TMC1: variants seen among roughly 807,000 people sequenced by gnomAD.
TMC1 encodes transmembrane channel like 1.
A neutral mutation model predicts 105.8 loss-of-function variants in TMC1; 84 were observed. The observed-to-expected ratio is 0.79, with a 90% confidence interval of 0.67 to 0.95. TMC1 has a LOEUF of 0.95. TMC1 is among the 40% of genes least tolerant of loss of function. The pLI is 0.00. For synonymous variants in TMC1, 315 were observed against 311.5 expected (o/e 1.01, Z -0.12); for missense variants, 817 against 914.1 (o/e 0.89, Z 1.37).
intron 1 of TMC1, among the ~76,000 whole-genome samples, chr9:72,575,657 C>T (rs576613549): frequency 6.6e-6 from 1 of 152,256 alleles, no homozygotes; most frequent in South Asian, 2.1e-4. Context: ...TCCATTCTTG[C>T]CCAGAAGGCG....
intron 5 of TMC1, 29 bp from the exon 6 acceptor site, chr9:72,688,680 A>G: frequency 6.3e-7 from 1 of 1,586,760 alleles, no homozygotes; most frequent in Non-Finnish European, 8.6e-7. Flanking sequence ...CATTTAAATA[A>G]TTGCTGTACT....
In TMC1 at chr9:72,654,496, TTTG is replaced by T. The variant is rs201345832; in HGVS notation, c.16+5841_16+5843del. Among the ~76,000 whole-genome samples, 1,246 of 152,318 alleles carry T rather than the reference TTTG, an allele frequency of 8.2e-3. 19 individuals are homozygous for T. The highest frequency in any genetic ancestry group is 0.028 in the African/African-American group (1,170 of 41,582). ...CTATTGGTATATTATCTATAAATTC[TTTG>T]TTGTTGTTCCATTTTAGTGGGTTTA... On this transcript the variant is annotated intron_variant, in intron 5 of 23. Transcript: ENST00000297784.
At chr9:72,577,814 A>C (rs76565666) in intron 1 of TMC1, 88 bp from the exon 2 acceptor site, 1 of 152,176 alleles carries the variant, frequency 6.6e-6, no homozygotes, top group African/African-American at 2.4e-5. Flanking sequence ...CGCAGCCAGC[A>C]TGCTGTGTTT....
intron 2 of TMC1, among the ~76,000 whole-genome samples, chr9:72,579,683 A>G (rs1044090208): frequency 1.3e-5 from 2 of 152,148 alleles, no homozygotes; most frequent in African/African-American, 4.8e-5. Context: ...ATTTTATTCA[A>G]TCTTCACAAC....
intron 18 of TMC1, among the ~76,000 whole-genome samples, chr9:72,806,739 G>A (rs1828600952): frequency 6.7e-6 from 1 of 148,696 alleles, no homozygotes; most frequent in East Asian, 2.0e-4. Context: ...CACTTCCTAG[G>A]TGGGATGGCG....
At chr9:72,544,478 C>CTTTTT (rs71493656) in intron 1 of TMC1, among the ~76,000 whole-genome samples, 46 of 125,232 alleles carry the variant, frequency 3.7e-4, no homozygotes, top group African/African-American at 1.0e-3. Flanking sequence ...GATTTTTTAA[C>CTTTTT]TTTTTTTTTT....
chr9:72,792,124 A>T, intron 16 of TMC1, 59 bp downstream of exon 16: 1 of 1,613,618 alleles, frequency 6.2e-7, no homozygotes, highest in Non-Finnish European at 8.5e-7. Context: ...CCCAGTCTCA[A>T]GTTTGCCAGA....
chr9:72,548,259 T>C (rs567005940), intron 1 of TMC1, among the ~76,000 whole-genome samples: 36 of 152,312 alleles, frequency 2.4e-4, no homozygotes, highest in Middle Eastern at 3.4e-3. Context: ...TGTTAATTTA[T>C]AGTGTATTTA....
At chr9:72,779,413 C>T (rs1427438059) in intron 13 of TMC1, among the ~76,000 whole-genome samples, 3 of 152,200 alleles carry the variant, frequency 2.0e-5, no homozygotes, top group African/African-American at 7.2e-5. Context: ...CTTAATCAGA[C>T]TGAGATGGCT....
chr9:72,628,268 T>C, intron 4 of TMC1: 1 of 294,006 alleles, frequency 3.4e-6, no homozygotes, highest in Non-Finnish European at 6.9e-6. Flanking sequence ...CAGCTTGGGA[T>C]GGAGTTTGAG....
At chr9:72,549,249 TC>T (rs1183863608) in intron 1 of TMC1, among the ~76,000 whole-genome samples, 8 of 152,102 alleles carry the variant, frequency 5.3e-5, no homozygotes, top group Admixed American at 1.3e-4. Context: ...TGCTTTCTGT[TC>T]TTTATTCATT....
chr9:72,783,480 C>T (rs554554375), intron 13 of TMC1, among the ~76,000 whole-genome samples: 1 of 152,166 alleles, frequency 6.6e-6, no homozygotes, highest in Non-Finnish European at 1.5e-5. Flanking sequence ...GCCAGCTTAC[C>T]CCACTTTCTT....
At chr9:72,692,023 T>G (rs1826473190) in intron 6 of TMC1, among the ~76,000 whole-genome samples, 1 of 152,080 alleles carries the variant, frequency 6.6e-6, no homozygotes, top group African/African-American at 2.4e-5. Flanking sequence ...AAAGTTGGAG[T>G]GTTAGATGCA....
chr9:72,696,858 A>G (rs533036972), intron 7 of TMC1, among the ~76,000 whole-genome samples: 3 of 152,334 alleles, frequency 2.0e-5, no homozygotes, highest in African/African-American at 7.2e-5. Flanking sequence ...TTAAGATAGA[A>G]AACCATTCTT....
Position 72,722,945 on chromosome 9 carries a change from G to A in TMC1, c.363-17174G>A, listed in dbSNP as rs971966910. On this transcript the variant is annotated intron_variant, in intron 8 of 23. Transcript: ENST00000297784. ...GTGTGAGCCAGCATAAGTCAGCTTC[G>A]GTATCTCTTTGAGGGATTTAATAAT... Among the ~76,000 whole-genome samples the A allele has an allele frequency of 2.6e-5, 4 of 152,204 alleles. No individual in the cohort carries two copies. In the East Asian group the frequency reaches 5.8e-4, roughly 22 times the overall value.
At chr9:72,584,184 T>C (rs914894840) in intron 2 of TMC1, among the ~76,000 whole-genome samples, 6 of 151,736 alleles carry the variant, frequency 4.0e-5, no homozygotes, top group Admixed American at 2.0e-4. Context: ...CTTTAAAAGA[T>C]AAAGAGGTAT....
chr9:72,634,184 G>A (rs1183282297), intron 4 of TMC1, among the ~76,000 whole-genome samples: 1 of 152,196 alleles, frequency 6.6e-6, no homozygotes, highest in Admixed American at 6.5e-5. Flanking sequence ...CTGGGTGGAA[G>A]TTTCTGCGTG....
chr9:72,705,436 T>C (rs1360501875), intron 8 of TMC1, among the ~76,000 whole-genome samples: 1 of 152,104 alleles, frequency 6.6e-6, no homozygotes, highest in Non-Finnish European at 1.5e-5. Flanking sequence ...TGGACCATGG[T>C]CTTCAAACTG....
At chr9:72,739,983 A>G in intron 8 of TMC1, 136 bp from the exon 9 acceptor site, 1 of 653,582 alleles carries the variant, frequency 1.5e-6, no homozygotes, top group Non-Finnish European at 2.6e-6. Context: ...GTTATGAAAT[A>G]CAGTCTAGGT....
Sources: allele counts gnomAD v4.1 joint callset (sites outside exome capture counted in the v4.1 genomes callset), GRCh38; gene constraint gnomAD v4.1.1; transcripts MANE v1.5; gene names NCBI Gene and HGNC (gene_info 2026-07-23, HGNC 2026-07-21).